HMGCLL1: variants seen among roughly 807,000 people sequenced by gnomAD.
HMGCLL1 encodes 3-hydroxy-3-methylglutaryl-CoA lyase like 1.
In HMGCLL1, 36 loss-of-function variants were observed where a neutral mutation model predicts 39.1. The observed-to-expected ratio is 0.92, with a 90% CI of 0.71 to 1.22. HMGCLL1 has a LOEUF of 1.22. Ranked by LOEUF, HMGCLL1 falls within the 50% of genes most tolerant of loss-of-function variation. The pLI is 0.00. For missense variants in HMGCLL1, 451 were observed against 416.5 expected (o/e 1.08, Z -0.72); for synonymous variants, 149 against 144.0 (o/e 1.03, Z -0.25).
the HMGCLL1 span, among the ~76,000 whole-genome samples, chr6:55,617,458 C>T: frequency 6.6e-6 from 1 of 152,056 alleles, no homozygotes; most frequent in East Asian, 1.9e-4. Context: ...CACTTTGTCA[C>T]TTGTACAGCA....
intron 1 of HMGCLL1, among the ~76,000 whole-genome samples, chr6:55,542,539 G>C (rs1319088932): frequency 1.3e-5 from 2 of 151,814 alleles, no homozygotes; most frequent in Non-Finnish European, 2.9e-5. Context: ...CAACACATTG[G>C]GAGGCTGAGG....
chr6:55,650,084 CAT>C, the HMGCLL1 span, among the ~76,000 whole-genome samples: 4 of 48,038 alleles, frequency 8.3e-5, no homozygotes, highest in African/African-American at 2.4e-4. Context: ...TATACACACA[CAT>C]ATACATATAT....
intron 1 of HMGCLL1, among the ~76,000 whole-genome samples, chr6:55,545,891 A>C (rs1468281895): frequency 6.6e-6 from 1 of 152,122 alleles, no homozygotes; most frequent in African/African-American, 2.4e-5. Context: ...ACAAGTATGA[A>C]AGGCAACCCA....
Position 55,439,520 on chromosome 6 carries a change from C to T in HMGCLL1, c.835G>A (p.Gly279Ser). Residue 279 changes from glycine to serine, a missense_variant, in exon 8 of 9, where the codon GGT becomes AGT. By Grantham distance (56) the Gly-to-Ser change is moderately conservative (BLOSUM62 0). Coordinates refer to ENST00000274901, the MANE Select transcript of HMGCLL1 (RefSeq NM_001042406.2). Reference protein sequence around the residue: ...NVVDSAVSGLGGCPYAKGASG... With the variant: ...NVVDSAVSGLSGCPYAKGASG... ...GCACCTTTTGCATAAGGGCAGCCAC[C>T]TAATCCGGATACTGCGGAGTCCACC... 1.2e-6 allele frequency: 2 copies of T among 1,613,060 alleles called. No homozygotes were observed. Among genetic ancestry groups the T allele is most frequent in the South Asian group, 2.2e-5 (2 of 91,044 alleles).
At chr6:55,563,404 T>C (rs908901070) in intron 1 of HMGCLL1, among the ~76,000 whole-genome samples, 2 of 152,152 alleles carry the variant, frequency 1.3e-5, no homozygotes, top group Admixed American at 6.6e-5. Context: ...CCCAGTTTTT[T>C]TGGTTTTCAA....
intron 3 of HMGCLL1, among the ~76,000 whole-genome samples, chr6:55,523,218 G>A (rs895451507): frequency 2.6e-5 from 4 of 151,958 alleles, no homozygotes; most frequent in African/African-American, 9.7e-5. Context: ...TCTAACAAGA[G>A]AGATTTTATG....
chr6:55,449,881 G>T (rs1764004984), intron 7 of HMGCLL1, among the ~76,000 whole-genome samples: 2 of 151,668 alleles, frequency 1.3e-5, no homozygotes, highest in South Asian at 2.1e-4. Context: ...GTGTTTCCCT[G>T]TTACTTTTAC....
intron 1 of HMGCLL1, among the ~76,000 whole-genome samples, chr6:55,544,085 C>A (rs1200640625): frequency 1.3e-5 from 2 of 151,954 alleles, no homozygotes; most frequent in African/African-American, 4.8e-5. Context: ...GAAAGACAGA[C>A]CTATTCCTAG....
At chr6:55,645,350 A>T in the HMGCLL1 span, among the ~76,000 whole-genome samples, 1 of 151,896 alleles carries the variant, frequency 6.6e-6, no homozygotes, top group Non-Finnish European at 1.5e-5. Context: ...GCAATTGAGG[A>T]TAATTTGACT....
At chr6:55,509,020 C>T (rs139753900) in intron 5 of HMGCLL1, among the ~76,000 whole-genome samples, 132 of 151,942 alleles carry the variant, frequency 8.7e-4, no homozygotes, top group African/African-American at 3.0e-3. Context: ...ATATTAACTG[C>T]TGCTGGGTAT....
At chr6:55,553,459 A>T (rs1008570976) in intron 1 of HMGCLL1, among the ~76,000 whole-genome samples, 2 of 151,974 alleles carry the variant, frequency 1.3e-5, no homozygotes, top group Admixed American at 1.3e-4. Context: ...AAATGATGGT[A>T]TAGTAGGGCA....
At chr6:55,633,158 C>T in the HMGCLL1 span, among the ~76,000 whole-genome samples, 3 of 152,082 alleles carry the variant, frequency 2.0e-5, no homozygotes, top group African/African-American at 7.2e-5. Context: ...ACACCAGCCT[C>T]AAGGCATATG....
At chr6:55,644,972 T>G in the HMGCLL1 span, among the ~76,000 whole-genome samples, 1 of 151,988 alleles carries the variant, frequency 6.6e-6, no homozygotes, top group Non-Finnish European at 1.5e-5. Context: ...GCACTGAATC[T>G]TTTGATTTGT....
the HMGCLL1 span, among the ~76,000 whole-genome samples, chr6:55,590,395 T>G: frequency 6.6e-6 from 1 of 152,046 alleles, no homozygotes; most frequent in South Asian, 2.1e-4. Flanking sequence ...TATATGAAAA[T>G]TAATTCAAGA....
At chr6:55,462,040 C>A (rs1341571962) in intron 7 of HMGCLL1, among the ~76,000 whole-genome samples, 3 of 152,164 alleles carry the variant, frequency 2.0e-5, no homozygotes, top group African/African-American at 4.8e-5. Flanking sequence ...ACCAAACAAT[C>A]TTTCCAGACC....
chr6:55,514,665 CCA>C (rs201395740), intron 4 of HMGCLL1, among the ~76,000 whole-genome samples: 2,201 of 152,178 alleles, frequency 0.014, 30 homozygotes, highest in Non-Finnish European at 0.025. Context: ...GATTTTGCCC[CCA>C]GTTTTTCTTT....
At chr6:55,677,058 C>A in the HMGCLL1 span, among the ~76,000 whole-genome samples, 1 of 152,144 alleles carries the variant, frequency 6.6e-6, no homozygotes, top group African/African-American at 2.4e-5. Context: ...TATTTCTAGG[C>A]TTTTTCAAGC....
chr6:55,536,190 T>C (rs990565618), intron 3 of HMGCLL1, among the ~76,000 whole-genome samples: 2 of 152,172 alleles, frequency 1.3e-5, no homozygotes, highest in Non-Finnish European at 2.9e-5. Flanking sequence ...AAATAATTAT[T>C]TGTCTTTTAC....
At chr6:55,481,353 C>T (rs1765733316) in intron 7 of HMGCLL1, among the ~76,000 whole-genome samples, 1 of 151,672 alleles carries the variant, frequency 6.6e-6, no homozygotes, top group Non-Finnish European at 1.5e-5. Context: ...AAAGTGAGAC[C>T]CTGTCTCAAA....
Sources: gnomAD v4.1 joint callset for allele counts (sites outside exome capture counted in the v4.1 genomes callset) on GRCh38, gnomAD v4.1.1 for gene constraint, MANE v1.5 for transcripts, NCBI Gene and HGNC (gene_info 2026-07-23, HGNC 2026-07-21) for gene names.